VEPH1: variants seen among roughly 807,000 people sequenced by gnomAD.
The protein encoded by VEPH1 is ventricular zone expressed PH domain containing 1.
A neutral mutation model predicts 85.2 loss-of-function variants in VEPH1; 80 were observed. That is an observed-to-expected ratio of 0.94 (90% CI 0.78 to 1.13). The LOEUF is 1.13. VEPH1 is among the 50% of genes most tolerant of loss of function. The probability of loss-of-function intolerance (pLI) is 0.00; values close to 1 mark genes in which losing one functional copy is unlikely to be tolerated. For synonymous variants in VEPH1, 297 were observed against 348.0 expected (o/e 0.85, Z 1.63); for missense variants, 955 against 980.5 (o/e 0.97, Z 0.35).
At chr3:157,295,373 A>G (rs1202441135) in intron 11 of VEPH1, among the ~76,000 whole-genome samples, 1 of 152,050 alleles carries the variant, frequency 6.6e-6, no homozygotes, top group East Asian at 1.9e-4. Flanking sequence ...TCGTGGAGGC[A>G]GTGAGCTATG....
chr3:157,279,719 A>G (rs17454198), intron 12 of VEPH1, among the ~76,000 whole-genome samples: 6,556 of 152,194 alleles, frequency 0.043, 169 homozygotes, highest in South Asian at 0.11. Context: ...GTGGCTGCTA[A>G]AAAGTACCAG....
chr3:157,329,886 T>C lies in VEPH1; in HGVS notation c.1736-12685A>G, dbSNP rs1408101217. On this transcript the variant is annotated intron_variant, in intron 9 of 13. Coordinates refer to ENST00000362010, the MANE Select transcript of VEPH1 (RefSeq NM_001167912.2). The stretch of plus-strand genomic sequence containing the variant: ...TTTCCCAGTGGTCCACAGGGTAGCA[T>C]GAACTTCGGGATGAGAAGGCAACAT... Among the ~76,000 whole-genome samples the C allele has an allele frequency of 3.9e-5, 6 of 152,324 alleles. No individual in the cohort carries two copies. In the East Asian group the frequency reaches 1.2e-3, roughly 29 times the overall value.
At chr3:157,358,473 G>T (rs1725681911) in intron 9 of VEPH1, among the ~76,000 whole-genome samples, 1 of 152,038 alleles carries the variant, frequency 6.6e-6, no homozygotes, top group Non-Finnish European at 1.5e-5. Context: ...TCAATTCATG[G>T]ATAAATTATC....
chr3:157,414,198 T>G (rs1216745123), intron 5 of VEPH1, 108 bp from the exon 6 acceptor site: 2 of 765,988 alleles, frequency 2.6e-6, no homozygotes, highest in East Asian at 5.4e-5. Flanking sequence ...AAACCTGAAC[T>G]CAACACATTC....
intron 9 of VEPH1, among the ~76,000 whole-genome samples, chr3:157,349,040 G>C (rs916771054): frequency 1.3e-5 from 2 of 152,040 alleles, no homozygotes; most frequent in African/African-American, 4.8e-5. Flanking sequence ...ACCAGACAAG[G>C]ACTCAGCAAG....
At chr3:157,349,431 G>A (rs185207050) in intron 9 of VEPH1, among the ~76,000 whole-genome samples, 69 of 152,290 alleles carry the variant, frequency 4.5e-4, no homozygotes, top group Admixed American at 1.1e-3. Context: ...ATGTCTTACT[G>A]AATGGAGAAA....
chr3:157,428,517 G>A, intron 4 of VEPH1, 29 bp from the exon 5 acceptor site: 1 of 1,599,346 alleles, frequency 6.3e-7, no homozygotes, highest in Non-Finnish European at 8.5e-7. Context: ...AGGGAATGAT[G>A]ACTTTATCAG....
At chr3:157,272,305 T>TTC in intron 12 of VEPH1, among the ~76,000 whole-genome samples, 2 of 149,406 alleles carry the variant, frequency 1.3e-5, no homozygotes, top group Non-Finnish European at 3.0e-5. Flanking sequence ...TCCCTTCCTC[T>TTC]CTCTCTCTCT....
chr3:157,280,014 CAAAA>C (rs369384376), intron 12 of VEPH1, among the ~76,000 whole-genome samples: 2 of 110,016 alleles, frequency 1.8e-5, no homozygotes, highest in African/African-American at 3.3e-5. Flanking sequence ...GACTCTGTTT[CAAAA>C]AAAAAAAAAA....
chr3:157,493,415 G>T, intron 2 of VEPH1: 1 of 366,638 alleles, frequency 2.7e-6, no homozygotes, highest in Admixed American at 3.4e-5. Context: ...AGGGATGTAA[G>T]CCATAGAGCA....
At chr3:157,334,617 G>A (rs906252122) in intron 9 of VEPH1, among the ~76,000 whole-genome samples, 1 of 152,194 alleles carries the variant, frequency 6.6e-6, no homozygotes. Context: ...TGGGCTGAGT[G>A]TTAAAACTAT....
rs1157274291 is a variant in VEPH1 at position 157,470,511 on chromosome 3, T to A, written c.157A>T (p.Asn53Tyr). ...SSSSDYQTNN[N>Y]DQAVVEICIT... ...CAGATTTCAACTACTGCCTGGTCATTGTTATTGGTTTGGTAATCCTGTTTG... is the reference window on the plus strand; with the variant it reads ...CAGATTTCAACTACTGCCTGGTCATAGTTATTGGTTTGGTAATCCTGTTTG... Residue 53 changes from asparagine (N) to tyrosine (Y), a missense_variant, in exon 3 of 14, where the codon AAT becomes TAT. Coordinates refer to ENST00000362010, the MANE Select transcript of VEPH1 (RefSeq NM_001167912.2). 2 of 1,614,078 alleles carry A rather than the reference T, an allele frequency of 1.2e-6. No homozygotes were observed. Among genetic ancestry groups the A allele is most frequent in the Non-Finnish European group, 1.7e-6 (2 of 1,180,024 alleles).
At chr3:157,299,446 A>G (rs1042582148) in intron 11 of VEPH1, among the ~76,000 whole-genome samples, 1 of 151,464 alleles carries the variant, frequency 6.6e-6, no homozygotes, top group Non-Finnish European at 1.5e-5. Context: ...TGTAGTGCCA[A>G]CTACTAGGGA....
rs1478089581 is a variant in VEPH1 at position 157,304,022 on chromosome 3, T to TA, written c.2010+9598_2010+9599insT. Among the ~76,000 whole-genome samples, 60 of 83,178 alleles carry TA rather than the reference T, an allele frequency of 7.2e-4. 1 individual carries two copies. Among genetic ancestry groups the TA allele is most frequent in the Admixed American group, 1.3e-3 (9 of 6,800 alleles). The allele number at this position is 83,178 out of a possible 152,430, so 54.6% of individuals were successfully genotyped here. A position where few individuals can be genotyped will look rare whatever the true frequency, so the allele number is the denominator to read the frequency against. On this transcript the variant is annotated intron_variant, in intron 11 of 13. Coordinates refer to ENST00000362010, the MANE Select transcript of VEPH1 (RefSeq NM_001167912.2). ...GACTTAAATTTCTCATCTTATATTTTTTATATATATATATATACACACATA... is the reference window on the plus strand; with the variant it reads ...GACTTAAATTTCTCATCTTATATTTTATTATATATATATATATACACACATA...
At chr3:157,300,527 T>A (rs1023867178) in intron 11 of VEPH1, among the ~76,000 whole-genome samples, 1 of 152,190 alleles carries the variant, frequency 6.6e-6, no homozygotes, top group African/African-American at 2.4e-5. Context: ...AATTTAAATT[T>A]GTTAAAAAAG....
intron 9 of VEPH1, among the ~76,000 whole-genome samples, chr3:157,344,151 T>C (rs932990310): frequency 2.6e-5 from 4 of 152,122 alleles, no homozygotes; most frequent in Admixed American, 2.6e-4. Context: ...CACTCCTATT[T>C]AACATAGTGT....
At chr3:157,289,211 T>C (rs1232013165) in intron 11 of VEPH1, among the ~76,000 whole-genome samples, 4 of 152,356 alleles carry the variant, frequency 2.6e-5, no homozygotes, top group Non-Finnish European at 5.9e-5. Flanking sequence ...AGGATCAATT[T>C]TTCATTCACC....
intron 9 of VEPH1, among the ~76,000 whole-genome samples, chr3:157,353,067 C>A (rs1290845355): frequency 2.0e-5 from 3 of 152,160 alleles, no homozygotes. Flanking sequence ...AATTGCCCTG[C>A]AGCAGAGGTG....
intron 4 of VEPH1, chr3:157,459,927 C>A: frequency 2.6e-6 from 4 of 1,537,158 alleles, no homozygotes; most frequent in Non-Finnish European, 3.5e-6. Flanking sequence ...GTTCTTCAAA[C>A]TGAGAAACAC....
Sources: gnomAD v4.1 joint callset for allele counts (sites outside exome capture counted in the v4.1 genomes callset) on GRCh38, gnomAD v4.1.1 for gene constraint, MANE v1.5 for transcripts, NCBI Gene and HGNC (gene_info 2026-07-23, HGNC 2026-07-21) for gene names.